ZSWIM5: variants seen among roughly 807,000 people sequenced by gnomAD.
The protein encoded by ZSWIM5 is zinc finger SWIM domain-containing protein 5.
ZSWIM5 carries 55 observed loss-of-function variants against 119.6 expected under a neutral mutation model. That is an observed-to-expected ratio of 0.46 (90% CI 0.37 to 0.58). ZSWIM5 has a LOEUF of 0.58. Among genes scored for constraint, ZSWIM5 ranks in the 20% least tolerant of loss-of-function variants. The pLI, the probability that ZSWIM5 is intolerant of heterozygous loss-of-function variation, is 0.00. For missense variants in ZSWIM5, 1,193 were observed against 1,512.8 expected (o/e 0.79, Z 3.51); for synonymous variants, 537 against 606.9 (o/e 0.88, Z 1.69).
chr1:45,053,819 A>G (rs942897219), intron 4 of ZSWIM5, among the ~76,000 whole-genome samples: 44 of 150,244 alleles, frequency 2.9e-4, no homozygotes, highest in Non-Finnish European at 5.6e-4. Flanking sequence ...ACTTTCACCT[A>G]TAAGTTACAA....
Position 45,036,248 on chromosome 1 carries a change from C to T in ZSWIM5, c.1946G>A (p.Gly649Asp), listed in dbSNP as rs1049510801. Reference sequence around the variant, plus strand: ...GTAGGACTCACTGCTGTTTGGGGAGCCTGCAGCCACAGGTACATGCTGGTA... The same window carrying T: ...GTAGGACTCACTGCTGTTTGGGGAGTCTGCAGCCACAGGTACATGCTGGTA... The part of the protein sequence containing the change: ...PVYQHVPVAA[G>D]SPNSSESYLS... Residue 649 changes from glycine to aspartate, a missense_variant, in exon 9 of 14, where the codon GGC (glycine) becomes GAC (aspartate). By Grantham distance (94) the Gly-to-Asp change is moderately conservative (BLOSUM62 -1). Transcript: ENST00000359600. 1 of 1,614,072 alleles carries T rather than the reference C, an allele frequency of 6.2e-7. No individual in the cohort carries two copies. The highest frequency in any genetic ancestry group is 8.5e-7 in the Non-Finnish European group (1 of 1,180,028).
chr1:45,148,264 T>A (rs1468062007), intron 1 of ZSWIM5, among the ~76,000 whole-genome samples: 1 of 152,190 alleles, frequency 6.6e-6, no homozygotes, highest in Non-Finnish European at 1.5e-5. Context: ...ATTCATGATA[T>A]AACCAAATAC....
intron 4 of ZSWIM5, among the ~76,000 whole-genome samples, chr1:45,053,180 T>C (rs1307708609): frequency 1.3e-5 from 2 of 151,852 alleles, no homozygotes; most frequent in African/African-American, 2.4e-5. Context: ...AGTGACTCTT[T>C]AGGGGATTAT....
At chr1:45,050,080 G>A (rs919759565) in intron 5 of ZSWIM5, among the ~76,000 whole-genome samples, 2 of 152,160 alleles carry the variant, frequency 1.3e-5, no homozygotes, top group African/African-American at 2.4e-5. Context: ...ACTGCCAGGC[G>A]CAGTGGCTCA....
intron 2 of ZSWIM5, among the ~76,000 whole-genome samples, chr1:45,063,960 C>T (rs544695801): frequency 2.2e-4 from 33 of 150,204 alleles, no homozygotes; most frequent in Admixed American, 4.7e-4. Flanking sequence ...CCAGCTTGGG[C>T]GACAGAGTGA....
rs961007398 is a variant in ZSWIM5 at position 45,019,583 on chromosome 1, G to C, written c.2696-267C>G. ...AGCCCCTCACAAGGATGGGACAGTA[G>C]AGCCTGGGGTTTGCTTGCCCTGAGG... On this transcript the variant is annotated intron_variant, in intron 13 of 13. Transcript: ENST00000359600. The surrounding 1 kb of genome is among the most constrained non-coding windows in gnomAD (Gnocchi z 5.0). 2.0e-5 allele frequency among the ~76,000 whole-genome samples: 3 copies of C among 152,176 alleles called. No individual in the cohort carries two copies. The highest frequency in any genetic ancestry group is 2.9e-5 in the Non-Finnish European group (2 of 68,036).
At chr1:45,028,861 T>C (rs1443519085) in intron 11 of ZSWIM5, among the ~76,000 whole-genome samples, 2 of 152,168 alleles carry the variant, frequency 1.3e-5, no homozygotes, top group African/African-American at 2.4e-5. Flanking sequence ...GGTGGGAGGA[T>C]TACTTGAGGC....
At chr1:45,160,557 C>T (rs1025698759) in intron 1 of ZSWIM5, among the ~76,000 whole-genome samples, 5 of 151,972 alleles carry the variant, frequency 3.3e-5, no homozygotes, top group African/African-American at 1.2e-4. Context: ...GCTTATCTTG[C>T]TTAATACGAT....
At position 45,017,409 on chromosome 1, in the gene ZSWIM5, C is replaced by T. The variant is rs1644860695; in HGVS notation, c.*1045G>A. The T allele has an allele frequency of 6.6e-6, 1 of 152,242 alleles. No homozygotes were observed. Among genetic ancestry groups the T allele is most frequent in the Admixed American group, 6.5e-5 (1 of 15,284 alleles). 9.4% of individuals were successfully genotyped at this position (152,242 alleles called of 1,614,324 possible). A position where few individuals can be genotyped will look rare whatever the true frequency, so the allele number is the denominator to read the frequency against. On this transcript the variant is annotated 3_prime_UTR_variant, in exon 14 of 14. Transcript: ENST00000359600. The stretch of plus-strand genomic sequence containing the variant: ...GCATTTGCACAAAGATGTGCATCCT[C>T]ACATGTACACAAAATGTGTATATCC...
At chr1:45,081,198 A>G (rs1645287376) in intron 2 of ZSWIM5, among the ~76,000 whole-genome samples, 1 of 151,990 alleles carries the variant, frequency 6.6e-6, no homozygotes, top group African/African-American at 2.4e-5. Context: ...CCTCAGTTCC[A>G]GGTCCATATA....
intron 11 of ZSWIM5, among the ~76,000 whole-genome samples, chr1:45,021,176 C>T (rs527979165): frequency 3.9e-5 from 6 of 152,156 alleles, no homozygotes; most frequent in South Asian, 2.1e-4. Flanking sequence ...GCTGGGACTA[C>T]GGGCGCCCGC....
At position 45,206,315 on chromosome 1, in the gene ZSWIM5, C is replaced by T. The variant is rs770562241; in HGVS notation, c.36G>A (p.Ser12=). The change falls in exon 1 of 14, where the codon TCG becomes TCA. Residue 12 remains serine (S), a synonymous_variant. Coordinates refer to ENST00000359600, the MANE Select transcript of ZSWIM5 (RefSeq NM_020883.2). The stretch of plus-strand genomic sequence containing the variant: ...GCTTAGCCGGAGAGACCGGTGACGG[C>T]GAGAGCAGCTCCTCTCGCTCACCTC... The part of the protein sequence containing the change: ...ADGGEREELL[S]PSPVSPAKRQ... 1.8e-5 allele frequency: 27 copies of T among 1,530,596 alleles called. No individual in the cohort carries two copies. Among genetic ancestry groups the T allele is most frequent in the Admixed American group, 4.0e-5 (2 of 49,788 alleles). The allele number at this position is 1,530,596 out of a possible 1,614,324, so 94.8% of individuals were successfully genotyped here.
intron 1 of ZSWIM5, among the ~76,000 whole-genome samples, chr1:45,097,764 C>T (rs898097922): frequency 6.6e-6 from 1 of 151,920 alleles, no homozygotes. Flanking sequence ...TGCAGTGGTG[C>T]GATCTCAGCT....
At chr1:45,134,621 GA>G (rs1489964302) in intron 1 of ZSWIM5, among the ~76,000 whole-genome samples, 3 of 152,210 alleles carry the variant, frequency 2.0e-5, no homozygotes, top group African/African-American at 7.2e-5. Flanking sequence ...GTAATCCCAG[GA>G]AAACAGTGCA....
rs767097782 is a variant in ZSWIM5, at chr1:45,206,137, TC to T, written c.213del (p.Thr72ArgfsTer131). ...TCGTATGCCCACTTTTCCGCCACCG[TC>T]TTGGCGGCGCAGTCCAGTAAGGAAT... ...QPDSLLDCAA[K>X]TVAEKWAYER... On this transcript the variant is annotated frameshift_variant, in exon 1 of 14. Transcript: ENST00000359600. LOFTEE classifies it high-confidence loss of function. 1 of 1,610,772 alleles carries T rather than the reference TC, an allele frequency of 6.2e-7. No individual in the cohort carries two copies. Among genetic ancestry groups the T allele is most frequent in the Non-Finnish European group, 8.5e-7 (1 of 1,179,122 alleles).
chr1:45,140,051 A>G (rs1422712752), intron 1 of ZSWIM5, among the ~76,000 whole-genome samples: 1 of 152,228 alleles, frequency 6.6e-6, no homozygotes, highest in Non-Finnish European at 1.5e-5. Flanking sequence ...GTATAAAAGT[A>G]AAATGTGTGA....
chr1:45,088,069 C>T lies in ZSWIM5; in HGVS notation c.764G>A (p.Arg255Lys). The change falls in exon 2 of 14, where the codon AGG (arginine) becomes AAG (lysine). Residue 255 changes from arginine to lysine, a missense_variant. This residue lies in a region of ZSWIM5 where 961 missense variants were observed against 1,290.0 expected (regional missense o/e 0.74). Coordinates refer to ENST00000359600, the MANE Select transcript of ZSWIM5 (RefSeq NM_020883.2). This position sits in a 1 kb window ranked among gnomAD's most constrained non-coding sequence, Gnocchi z 4.2. ...CAHVVALSLY[R>K]IRKPDQVKLR... ...TTTGACTTGGTCTGGTTTACGGATC[C>T]TGTAGAGTGAGAGTGCTACCACATG... 3 of 1,614,174 alleles carry T rather than the reference C, an allele frequency of 1.9e-6. No homozygotes were observed. Among genetic ancestry groups the T allele is most frequent in the Non-Finnish European group, 2.5e-6 (3 of 1,180,024 alleles).
chr1:45,170,484 G>A (rs930096086), intron 1 of ZSWIM5, among the ~76,000 whole-genome samples: 4 of 151,446 alleles, frequency 2.6e-5, no homozygotes, highest in Non-Finnish European at 2.9e-5. Flanking sequence ...GAGTGCGGTG[G>A]CAGGATCATG....
chr1:45,191,772 C>T (rs1646094481), intron 1 of ZSWIM5, among the ~76,000 whole-genome samples: 1 of 152,206 alleles, frequency 6.6e-6, no homozygotes, highest in African/African-American at 2.4e-5. Flanking sequence ...AGAGCTCATT[C>T]TCTACGAAAC....
Sources: allele counts gnomAD v4.1 joint callset (sites outside exome capture counted in the v4.1 genomes callset), GRCh38; gene constraint gnomAD v4.1.1; regional missense constraint gnomAD v4.1.1; non-coding constraint Gnocchi (gnomAD v3.1); transcripts MANE v1.5; gene names NCBI Gene and HGNC (gene_info 2026-07-23, HGNC 2026-07-21).